Variants in SDHAF3 observed in about 807,000 individuals in gnomAD.
SDHAF3 encodes succinate dehydrogenase complex assembly factor 3, also known as succinate dehydrogenase assembly factor 3, mitochondrial.
In SDHAF3, 18 loss-of-function variants were observed where a neutral mutation model predicts 11.5. The ratio of observed to expected loss-of-function variants is 1.56; its 90% CI spans 1.08 to 2.32. The LOEUF is 2.32. Among genes scored for constraint, SDHAF3 ranks in the 30% most tolerant of loss-of-function variants. The probability of loss-of-function intolerance (pLI) is 0.00; values close to 1 mark genes in which losing one functional copy is unlikely to be tolerated. For missense variants in SDHAF3, 200 were observed against 154.4 expected (o/e 1.30, Z -1.57); for synonymous variants, 72 against 59.3 (o/e 1.21, Z -0.99).
chr7:97,149,057 G>C (rs940481658), intron 1 of SDHAF3, among the ~76,000 whole-genome samples: 32 of 151,848 alleles, frequency 2.1e-4, no homozygotes, highest in African/African-American at 7.5e-4. Context: ...CGCCTCCTGA[G>C]TAGCTGGGAC....
intron 1 of SDHAF3, among the ~76,000 whole-genome samples, chr7:97,159,630 A>C: frequency 6.6e-6 from 1 of 152,200 alleles, no homozygotes; most frequent in Non-Finnish European, 1.5e-5. Context: ...TTATTAAAGA[A>C]TAAGGCCTAT....
chr7:97,159,946 T>A (rs1200108833), intron 1 of SDHAF3, among the ~76,000 whole-genome samples: 1 of 152,214 alleles, frequency 6.6e-6, no homozygotes, highest in Non-Finnish European at 1.5e-5. Context: ...GATTCTATGA[T>A]TTTTGTCTGA....
At chr7:97,177,387 A>T (rs528317728) in intron 1 of SDHAF3, among the ~76,000 whole-genome samples, 2 of 152,148 alleles carry the variant, frequency 1.3e-5, no homozygotes, top group South Asian at 4.2e-4. Context: ...CTGTAGTCCC[A>T]TCTGCTGGGG....
chr7:97,167,708 C>G (rs1404884213), intron 1 of SDHAF3, among the ~76,000 whole-genome samples: 1 of 152,090 alleles, frequency 6.6e-6, no homozygotes, highest in Non-Finnish European at 1.5e-5. Context: ...GAGATAAAAT[C>G]ATACAGAGTT....
chr7:97,144,752 T>C (rs930754287), intron 1 of SDHAF3, among the ~76,000 whole-genome samples: 2 of 152,178 alleles, frequency 1.3e-5, no homozygotes, highest in Non-Finnish European at 2.9e-5. Context: ...TGCCTGCAGA[T>C]TTGTTCTTTT....
At position 97,130,253 on chromosome 7, in the gene SDHAF3, C is replaced by T. The variant is rs562731475; in HGVS notation, c.174+12356C>T. Among the ~76,000 whole-genome samples the T allele has an allele frequency of 1.3e-4, 19 of 140,904 alleles. No homozygotes were observed. In the South Asian group the frequency reaches 2.3e-3, roughly 17 times the overall value. 92.4% of individuals were successfully genotyped at this position (140,904 alleles called of 152,430 possible). A position where few individuals can be genotyped will look rare whatever the true frequency, so the allele number is the denominator to read the frequency against. On this transcript the variant is annotated intron_variant, in intron 1 of 1. Transcript: ENST00000432641. ...TGCCACTGCACTCCAGCCTCGGTGA[C>T]GGAGTGATACCCAGTCTAAAAAAAA...
chr7:97,173,013 A>G (rs1302565339), intron 1 of SDHAF3, among the ~76,000 whole-genome samples: 2 of 152,158 alleles, frequency 1.3e-5, no homozygotes, highest in African/African-American at 2.4e-5. Context: ...ATCATCAAGC[A>G]TTATATTCTC....
intron 1 of SDHAF3, among the ~76,000 whole-genome samples, chr7:97,143,215 G>A (rs10239938): frequency 2.0e-5 from 3 of 152,018 alleles, no homozygotes; most frequent in Admixed American, 2.0e-4. Flanking sequence ...ATTCTTCTAA[G>A]AATATTTACT....
intron 1 of SDHAF3, among the ~76,000 whole-genome samples, chr7:97,128,037 A>T (rs1020189943): frequency 6.6e-6 from 1 of 150,818 alleles, no homozygotes; most frequent in African/African-American, 2.4e-5. Flanking sequence ...AGTAGCTGGG[A>T]TTACAGGCGT....
intron 1 of SDHAF3, among the ~76,000 whole-genome samples, chr7:97,137,868 CTTTTTTTTTTTT>C (rs11381462): frequency 7.2e-5 from 5 of 69,098 alleles, no homozygotes; most frequent in Middle Eastern, 0.029. Flanking sequence ...ATTCCATTCG[CTTTTTTTTTTTT>C]TTTTTTTTTT....
rs149144086 is a variant in SDHAF3 at position 97,127,656 on chromosome 7, G to A, written c.174+9759G>A. ...AATGTATGCTTCTCTTACCTAATTT[G>A]TGGACCTCATTTTGTTACTCTTGAA... On this transcript the variant is annotated intron_variant, in intron 1 of 1. Transcript: ENST00000432641. Among the ~76,000 whole-genome samples the A allele has an allele frequency of 1.8e-3, 276 of 152,186 alleles. 1 individual carries two copies. The highest frequency in any genetic ancestry group is 6.1e-3 in the African/African-American group (255 of 41,518).
chr7:97,158,930 G>C (rs922029749), intron 1 of SDHAF3, among the ~76,000 whole-genome samples: 2 of 152,106 alleles, frequency 1.3e-5, no homozygotes, highest in Non-Finnish European at 2.9e-5. Context: ...ATGTATACAC[G>C]TGTAAACAAC....
intron 1 of SDHAF3, among the ~76,000 whole-genome samples, chr7:97,173,006 A>G (rs1056549862): frequency 7.2e-6 from 1 of 139,710 alleles, no homozygotes; most frequent in Admixed American, 7.3e-5. Context: ...AGCTCAAATC[A>G]TCAAGCATTA....
At chr7:97,121,388 CATTT>C (rs1394627786) in intron 1 of SDHAF3, among the ~76,000 whole-genome samples, 2 of 152,148 alleles carry the variant, frequency 1.3e-5, no homozygotes, top group Non-Finnish European at 2.9e-5. Flanking sequence ...GAAGAGACTT[CATTT>C]ATTTTTCTTT....
intron 1 of SDHAF3, among the ~76,000 whole-genome samples, chr7:97,176,159 C>T (rs1789675660): frequency 6.6e-6 from 1 of 151,984 alleles, no homozygotes; most frequent in African/African-American, 2.4e-5. Context: ...TATAAGGTAA[C>T]ACAGTTTCAG....
chr7:97,130,561 C>T, intron 1 of SDHAF3, among the ~76,000 whole-genome samples: 1 of 152,116 alleles, frequency 6.6e-6, no homozygotes, highest in South Asian at 2.1e-4. Context: ...TTCCCACTGC[C>T]CTGCTCTGGC....
chr7:97,173,546 A>AT (rs10538365), intron 1 of SDHAF3, among the ~76,000 whole-genome samples: 10,424 of 135,358 alleles, frequency 0.077, 915 homozygotes, highest in East Asian at 0.3. Flanking sequence ...CAAAATTAGA[A>AT]TTTTTTTTTT....
chr7:97,150,506 G>A (rs1265351624), intron 1 of SDHAF3, among the ~76,000 whole-genome samples: 1 of 151,636 alleles, frequency 6.6e-6, no homozygotes, highest in Non-Finnish European at 1.5e-5. Flanking sequence ...CAGAGCTTTT[G>A]GGTGACCAGG....
chr7:97,167,273 T>TC (rs1325095961), intron 1 of SDHAF3, among the ~76,000 whole-genome samples: 2 of 152,096 alleles, frequency 1.3e-5, no homozygotes, highest in African/African-American at 4.8e-5. Context: ...GTGTAGCACT[T>TC]CCCCCCTTGG....
Sources: gnomAD v4.1 joint callset for allele counts (sites outside exome capture counted in the v4.1 genomes callset) on GRCh38, gnomAD v4.1.1 for gene constraint, MANE v1.5 for transcripts, NCBI Gene and HGNC (gene_info 2026-07-23, HGNC 2026-07-21) for gene names.